The following AGBL4 variants were observed in gnomAD, a reference collection of about 807,000 sequenced individuals.
AGBL4 encodes AGBL carboxypeptidase 4, also known as cytosolic carboxypeptidase 6.
In AGBL4, 58 loss-of-function variants were observed where a neutral mutation model predicts 66.4. The observed-to-expected ratio is 0.87, with a 90% confidence interval of 0.71 to 1.09. The LOEUF (loss-of-function observed/expected upper bound fraction) is 1.09, where lower values mean the gene tolerates loss of function less well. AGBL4 is among the 50% of genes least tolerant of loss of function. The pLI is 0.00. For synonymous variants in AGBL4, 234 were observed against 222.9 expected (o/e 1.05, Z -0.44); for missense variants, 579 against 631.0 (o/e 0.92, Z 0.88).
chr1:48,817,950 T>C (rs1306419141), intron 6 of AGBL4: 1 of 657,410 alleles, frequency 1.5e-6, no homozygotes, highest in African/African-American at 1.8e-5. Flanking sequence ...AAAAAGCTAA[T>C]ACGTTCCTGT....
At position 48,783,813 on chromosome 1, in the gene AGBL4, G is replaced by A. The variant is rs117382158; in HGVS notation, c.634+83378C>T. 2.3e-3 allele frequency among the ~76,000 whole-genome samples: 354 copies of A among 152,214 alleles called. 6 individuals carry two copies. In the East Asian group the frequency reaches 0.053, roughly 23 times the overall value. The stretch of plus-strand genomic sequence containing the variant: ...TTCCCAGAGTCTTCTAACATGAGAC[G>A]AAGTTGAGCACCTCTGAGTTAGAAG... On this transcript the variant is annotated intron_variant, in intron 6 of 13. Transcript: ENST00000371839.
chr1:48,897,302 A>G (rs976606566), intron 5 of AGBL4, among the ~76,000 whole-genome samples: 1 of 152,196 alleles, frequency 6.6e-6, no homozygotes, highest in African/African-American at 2.4e-5. Flanking sequence ...GTTGCTGCAA[A>G]TGAGAGGGTT....
chr1:49,466,680 G>T (rs1355769031), intron 3 of AGBL4, among the ~76,000 whole-genome samples: 1 of 151,762 alleles, frequency 6.6e-6, no homozygotes, highest in Non-Finnish European at 1.5e-5. Flanking sequence ...TACACTAGGG[G>T]CTCCTTCTTA....
chr1:49,692,002 G>C (rs752563518), intron 3 of AGBL4, among the ~76,000 whole-genome samples: 1 of 151,992 alleles, frequency 6.6e-6, no homozygotes, highest in South Asian at 2.1e-4. Flanking sequence ...ATAATCATCA[G>C]ATCTCATGAG....
At chr1:49,279,684 A>G (rs1644238305) in intron 3 of AGBL4, among the ~76,000 whole-genome samples, 1 of 152,202 alleles carries the variant, frequency 6.6e-6, no homozygotes, top group Non-Finnish European at 1.5e-5. Context: ...CAAACCTGCT[A>G]AAACCATTTT....
Position 49,916,986 on chromosome 1 carries a change from C to T in AGBL4, c.35-65468G>A, listed in dbSNP as rs540629338. ...AGAATTTTTATCCACCCAAACTAAGCTTCATAAAAGTGAAGGAGAAATAAA... is the reference window on the plus strand; with the variant it reads ...AGAATTTTTATCCACCCAAACTAAGTTTCATAAAAGTGAAGGAGAAATAAA... On this transcript the variant is annotated intron_variant, in intron 1 of 13. Transcript: ENST00000371839. Among the ~76,000 whole-genome samples, 38 of 152,214 alleles carry T rather than the reference C, an allele frequency of 2.5e-4. No individual in the cohort carries two copies. In the South Asian group the frequency reaches 7.9e-3, roughly 32 times the overall value.
intron 6 of AGBL4, among the ~76,000 whole-genome samples, chr1:48,704,418 T>C (rs1646850086): frequency 6.6e-6 from 1 of 152,224 alleles, no homozygotes; most frequent in Admixed American, 6.5e-5. Flanking sequence ...ACTATGACTT[T>C]TTTACTTTAT....
chr1:49,379,498 T>A (rs1413679689), intron 3 of AGBL4, among the ~76,000 whole-genome samples: 1 of 151,782 alleles, frequency 6.6e-6, no homozygotes, highest in Non-Finnish European at 1.5e-5. Flanking sequence ...CCCTTCAGTA[T>A]GATATTGGCT....
chr1:49,186,076 T>C (rs1647011524), intron 4 of AGBL4, among the ~76,000 whole-genome samples: 1 of 152,136 alleles, frequency 6.6e-6, no homozygotes, highest in Non-Finnish European at 1.5e-5. Context: ...CACACCATCA[T>C]AATCTGGGCA....
intron 3 of AGBL4, among the ~76,000 whole-genome samples, chr1:49,354,528 A>G (rs1643978871): frequency 6.6e-6 from 1 of 152,094 alleles, no homozygotes; most frequent in Non-Finnish European, 1.5e-5. Flanking sequence ...CTTCTTCTCT[A>G]TCTACACTTG....
chr1:48,944,908 CATAGGG>C (rs1280201729), intron 5 of AGBL4, among the ~76,000 whole-genome samples: 1 of 152,140 alleles, frequency 6.6e-6, no homozygotes, highest in African/African-American at 2.4e-5. Context: ...CTAACTCCAC[CATAGGG>C]GTTTAAGGAA....
rs1646221683 is a variant in AGBL4, at chr1:49,449,073, C to T, written c.283-203209G>A. ...ATTAAGTCTCTTCAAAGGTGAATTA[C>T]TAAATTGTGATATACATATATAGAT... On this transcript the variant is annotated intron_variant, in intron 3 of 13. Coordinates refer to ENST00000371839, the MANE Select transcript of AGBL4 (RefSeq NM_032785.4). Among the ~76,000 whole-genome samples, 2 of 151,812 alleles carry T rather than the reference C, an allele frequency of 1.3e-5. 1 individual carries two copies. The highest frequency in any genetic ancestry group is 2.9e-5 in the Non-Finnish European group (2 of 67,938).
At chr1:49,540,869 A>G (rs1651956832) in intron 3 of AGBL4, among the ~76,000 whole-genome samples, 1 of 152,214 alleles carries the variant, frequency 6.6e-6, no homozygotes, top group African/African-American at 2.4e-5. Context: ...AGCATAATGA[A>G]CAAGTTATCT....
rs149430217 is a variant in AGBL4, at chr1:49,976,806, T to G, written c.34+46957A>C. 5.1e-3 allele frequency among the ~76,000 whole-genome samples: 783 copies of G among 152,310 alleles called. 12 individuals carry two copies. The highest frequency in any genetic ancestry group is 5.4e-3 in the Non-Finnish European group (368 of 68,026). On this transcript the variant is annotated intron_variant, in intron 1 of 13. Transcript: ENST00000371839. ...TGACAGGCAGGTCCACTATTCTCCATCCCTGACGCAGTCCTCTTTCAACCA... is the reference window on the plus strand; with the variant it reads ...TGACAGGCAGGTCCACTATTCTCCAGCCCTGACGCAGTCCTCTTTCAACCA...
chr1:49,994,433 C>A (rs969936099), intron 1 of AGBL4: 2 of 151,384 alleles, frequency 1.3e-5, no homozygotes, highest in Non-Finnish European at 2.9e-5. Context: ...AAACTGAGGG[C>A]AGAGGTGTGG....
chr1:48,587,878 G>A (rs965654129), intron 10 of AGBL4, among the ~76,000 whole-genome samples: 31 of 151,652 alleles, frequency 2.0e-4, no homozygotes, highest in Admixed American at 2.6e-4. Context: ...TCCTGACCTC[G>A]TGATCCGCCT....
intron 3 of AGBL4, among the ~76,000 whole-genome samples, chr1:49,476,196 A>C (rs1323608604): frequency 1.3e-5 from 2 of 151,976 alleles, no homozygotes; most frequent in Non-Finnish European, 2.9e-5. Flanking sequence ...CTCAGGAGAA[A>C]GTTGTTTAAT....
chr1:48,663,207 T>C lies in AGBL4; in HGVS notation c.669A>G (p.Val223=). Reference sequence around the variant, plus strand: ...CTGGGTGGACTCGTCCTGTGATGAATACCACCTTCTGCTCTGCCCCTTCCC... The same window carrying C: ...CTGGGTGGACTCGTCCTGTGATGAACACCACCTTCTGCTCTGCCCCTTCCC... The part of the protein sequence containing the change: ...NLREGAEQKV[V]FITGRVHPGE... The change falls in exon 7 of 14, where the codon GTA becomes GTG. Residue 223 remains valine (V), a synonymous_variant. Transcript: ENST00000371839. The C allele has an allele frequency of 6.2e-7, 1 of 1,613,938 alleles. No homozygotes were observed. Among genetic ancestry groups the C allele is most frequent in the Non-Finnish European group, 8.5e-7 (1 of 1,179,854 alleles).
At chr1:49,338,153 G>A (rs1220394721) in intron 3 of AGBL4, among the ~76,000 whole-genome samples, 1 of 152,188 alleles carries the variant, frequency 6.6e-6, no homozygotes, top group East Asian at 1.9e-4. Flanking sequence ...GAGATAGGAG[G>A]AGGAAAACAA....
Sources: allele counts gnomAD v4.1 joint callset (sites outside exome capture counted in the v4.1 genomes callset), GRCh38; gene constraint gnomAD v4.1.1; transcripts MANE v1.5; gene names NCBI Gene and HGNC (gene_info 2026-07-23, HGNC 2026-07-21).